Variants in ARID1A observed in about 807,000 individuals in gnomAD.
The protein encoded by ARID1A is AT-rich interaction domain 1A.
Under a neutral mutation model 212.6 loss-of-function variants are expected in ARID1A, and 20 were observed. The observed-to-expected ratio is 0.09, with a 90% CI of 0.07 to 0.14. The LOEUF is 0.14. Ranked by LOEUF, ARID1A falls within the 10% of genes least tolerant of loss-of-function variation. The pLI is 1.00. For synonymous variants in ARID1A, 1,376 were observed against 1,222.1 expected (o/e 1.13, Z -2.63); for missense variants, 2,587 against 3,059.0 (o/e 0.85, Z 3.64).
chr1:26,733,514 T>A (rs1256809712), intron 4 of ARID1A, among the ~76,000 whole-genome samples: 1 of 152,190 alleles, frequency 6.6e-6, no homozygotes, highest in African/African-American at 2.4e-5. Context: ...TCCATAAATG[T>A]CAGCCTTTGT....
rs2081113923 is a variant in ARID1A, at chr1:26,774,393, A to G, written c.4166A>G (p.Tyr1389Cys). 1 of 1,595,678 alleles carries G rather than the reference A, an allele frequency of 6.3e-7. No homozygotes were observed. Among genetic ancestry groups the G allele is most frequent in the Non-Finnish European group, 8.6e-7 (1 of 1,168,344 alleles). ...GCCAAGCGGCACGAAGGGGAGATGT[A>G]CAGCGTGCCATACAGCACTGGGCAG... is the stretch of plus-strand genomic sequence containing the variant. ...PPAKRHEGEM[Y>C]SVPYSTGQGQ... Residue 1389 changes from tyrosine (Y) to cysteine (C), a missense_variant, in exon 18 of 20, where the codon TAC (tyrosine) becomes TGC (cysteine). By Grantham distance (194) the Tyr-to-Cys change is radical. Around this residue, in one of 11 missense-constraint regions of ARID1A, gnomAD observed 890 missense variants for 1,098.2 expected, o/e 0.81. Coordinates refer to ENST00000324856, the MANE Select transcript of ARID1A (RefSeq NM_006015.6). The surrounding 1 kb of genome is among the most constrained non-coding windows in gnomAD (Gnocchi z 5.6).
At chr1:26,762,084 A>G (rs2124062035) in intron 6 of ARID1A, 68 bp from the exon 7 acceptor site, 1 of 1,463,650 alleles carries the variant, frequency 6.8e-7, no homozygotes, top group Non-Finnish European at 9.2e-7. Flanking sequence ...AAGTCCCAGG[A>G]TAAGGATGGA....
chr1:26,698,719 G>A (rs1045136393), intron 1 of ARID1A, among the ~76,000 whole-genome samples: 1 of 152,214 alleles, frequency 6.6e-6, no homozygotes, highest in Non-Finnish European at 1.5e-5. Flanking sequence ...TGATGGCTCT[G>A]AAGATGCATT....
At chr1:26,728,511 C>T (rs1483046578) in intron 1 of ARID1A, among the ~76,000 whole-genome samples, 2 of 152,108 alleles carry the variant, frequency 1.3e-5, no homozygotes, top group African/African-American at 4.8e-5. Flanking sequence ...CTAGGGATAA[C>T]CTAGACCAGT....
chr1:26,701,864 G>T (rs895780508), intron 1 of ARID1A, among the ~76,000 whole-genome samples: 3 of 152,196 alleles, frequency 2.0e-5, no homozygotes, highest in African/African-American at 7.2e-5. Flanking sequence ...TAATCTGTTT[G>T]TCATTAGTCA....
At chr1:26,778,338 T>C (rs2081156704) in intron 19 of ARID1A, 1 of 152,140 alleles carries the variant, frequency 6.6e-6, no homozygotes, top group Non-Finnish European at 1.5e-5. Flanking sequence ...CGAAAGCCCT[T>C]ATTTTTTTTT....
chr1:26,742,314 C>T (rs1014493122), intron 4 of ARID1A, among the ~76,000 whole-genome samples: 5 of 152,188 alleles, frequency 3.3e-5, no homozygotes, highest in African/African-American at 1.2e-4. Flanking sequence ...ATAGCCAAAC[C>T]TATAGGACCT....
intron 4 of ARID1A, among the ~76,000 whole-genome samples, chr1:26,737,227 C>T (rs2124798142): frequency 6.6e-6 from 1 of 152,144 alleles, no homozygotes; most frequent in South Asian, 2.1e-4. Flanking sequence ...GGTGATCCTC[C>T]CACCTCAGCC....
intron 1 of ARID1A, among the ~76,000 whole-genome samples, chr1:26,703,257 C>T (rs1210396903): frequency 6.6e-6 from 1 of 152,110 alleles, no homozygotes; most frequent in Non-Finnish European, 1.5e-5. Flanking sequence ...TTTGAAATTG[C>T]CATTTTAGGA....
intron 4 of ARID1A, among the ~76,000 whole-genome samples, chr1:26,734,548 T>G (rs571056487): frequency 6.6e-6 from 1 of 152,322 alleles, no homozygotes; most frequent in Non-Finnish European, 1.5e-5. Flanking sequence ...TTCTAAAGAT[T>G]CATCCAAATG....
intron 1 of ARID1A, among the ~76,000 whole-genome samples, chr1:26,726,395 C>T (rs2080619608): frequency 6.6e-6 from 1 of 151,490 alleles, no homozygotes; most frequent in Admixed American, 6.6e-5. Flanking sequence ...GCTTGTCTCC[C>T]AACTCCTGGC....
intron 1 of ARID1A, among the ~76,000 whole-genome samples, chr1:26,708,856 G>C (rs1006475123): frequency 6.6e-6 from 1 of 151,520 alleles, no homozygotes; most frequent in African/African-American, 2.4e-5. Flanking sequence ...CACCACGCCC[G>C]GCTAATTTTT....
intron 4 of ARID1A, among the ~76,000 whole-genome samples, chr1:26,747,761 G>A (rs1254552659): frequency 6.6e-6 from 1 of 152,012 alleles, no homozygotes; most frequent in Non-Finnish European, 1.5e-5. Flanking sequence ...GAGGCAGGAG[G>A]ATCGCTTGAG....
At chr1:26,708,958 G>A (rs986947129) in intron 1 of ARID1A, among the ~76,000 whole-genome samples, 10 of 152,100 alleles carry the variant, frequency 6.6e-5, no homozygotes, top group Non-Finnish European at 1.2e-4. Context: ...GCCTCCCAAA[G>A]TGCTGGGATT....
At chr1:26,753,123 C>G (rs947204825) in intron 4 of ARID1A, 1 of 152,216 alleles carries the variant, frequency 6.6e-6, no homozygotes, top group Non-Finnish European at 1.5e-5. Context: ...TCCTCTAACC[C>G]TGATCTGGTG....
At position 26,744,625 on chromosome 1, in the gene ARID1A, C is replaced by T. The variant is rs1329191576; in HGVS notation, c.1920+11833C>T. Among the ~76,000 whole-genome samples, 8 of 152,236 alleles carry T rather than the reference C, an allele frequency of 5.3e-5. No individual in the cohort carries two copies. The East Asian group carries it at 1.5e-3, about 29-fold the overall frequency. ...CTGGTATGTCCTGATTCTTTTGTAC[C>T]TGGAGCTTTTAAATGTATTTCCTAC... is the stretch of plus-strand genomic sequence containing the variant. On this transcript the variant is annotated intron_variant, in intron 4 of 19. Transcript: ENST00000324856.
chr1:26,749,741 C>G (rs1206386937), intron 4 of ARID1A, among the ~76,000 whole-genome samples: 1 of 152,200 alleles, frequency 6.6e-6, no homozygotes, highest in Non-Finnish European at 1.5e-5. Context: ...TCCAGACATT[C>G]CTTTTCTGCA....
intron 4 of ARID1A, among the ~76,000 whole-genome samples, chr1:26,741,904 C>T (rs1275279595): frequency 6.6e-6 from 1 of 152,218 alleles, no homozygotes; most frequent in Admixed American, 6.5e-5. Flanking sequence ...TGCGAGGGAG[C>T]TATGCTGTCC....
At chr1:26,734,245 AC>A (rs369486886) in intron 4 of ARID1A, among the ~76,000 whole-genome samples, 11 of 151,956 alleles carry the variant, frequency 7.2e-5, no homozygotes, top group African/African-American at 2.4e-4. Flanking sequence ...TGTGTCAAGA[AC>A]CCAAATCGGT....
Sources: gnomAD v4.1 joint callset for allele counts (sites outside exome capture counted in the v4.1 genomes callset) on GRCh38, gnomAD v4.1.1 for gene constraint, gnomAD v4.1.1 regional missense constraint, Gnocchi (gnomAD v3.1) non-coding constraint, MANE v1.5 for transcripts, NCBI Gene and HGNC (gene_info 2026-07-23, HGNC 2026-07-21) for gene names.